The following RIMKLB variants were observed in gnomAD, a reference collection of about 807,000 sequenced individuals.
The protein encoded by RIMKLB is ribosomal modification protein rimK like family member B, also known as beta-citrylglutamate synthase B.
RIMKLB carries 7 observed loss-of-function variants against 32.0 expected under a neutral mutation model. That is an observed-to-expected ratio of 0.22 (90% confidence interval 0.12 to 0.41). RIMKLB has a LOEUF of 0.41. RIMKLB is among the 10% of genes least tolerant of loss of function. The pLI, the probability that RIMKLB is intolerant of heterozygous loss-of-function variation, is 1.00. For synonymous variants in RIMKLB, 172 were observed against 185.1 expected (o/e 0.93, Z 0.57); for missense variants, 289 against 498.7 (o/e 0.58, Z 4.00).
intron 2 of RIMKLB, among the ~76,000 whole-genome samples, chr12:8,733,251 C>T (rs1946709860): frequency 6.7e-6 from 1 of 148,158 alleles, no homozygotes; most frequent in East Asian, 2.0e-4. Flanking sequence ...AATATCAGTT[C>T]TTGAATTTAT....
intron 1 of RIMKLB, among the ~76,000 whole-genome samples, chr12:8,713,221 C>G (rs1296362717): frequency 6.6e-6 from 1 of 151,968 alleles, no homozygotes; most frequent in Non-Finnish European, 1.5e-5. Flanking sequence ...TGCTCATTCT[C>G]CAATTATTTA....
At chr12:8,727,679 A>C (rs183216162) in intron 2 of RIMKLB, among the ~76,000 whole-genome samples, 5,609 of 152,200 alleles carry the variant, frequency 0.037, 330 homozygotes, top group African/African-American at 0.13. Context: ...CGGGCGGATC[A>C]GTTGAGGTCA....
chr12:8,674,392 C>A, the RIMKLB span, among the ~76,000 whole-genome samples: 1 of 151,836 alleles, frequency 6.6e-6, no homozygotes, highest in Admixed American at 6.6e-5. Context: ...GTGCCCGCCA[C>A]CACGCCCTGC....
chr12:8,713,977 G>A lies in RIMKLB; in HGVS notation c.111G>A (p.Glu37=), dbSNP rs113446356. 11 of 1,614,062 alleles carry A rather than the reference G, an allele frequency of 6.8e-6. No individual in the cohort carries two copies. The highest frequency in any genetic ancestry group is 5.3e-5 in the African/African-American group (4 of 75,026). The change falls in exon 2 of 6, where the codon GAG becomes GAA. Residue 37 remains glutamate (E), a synonymous_variant. Coordinates refer to ENST00000535829, the MANE Select transcript of RIMKLB (RefSeq NM_001297776.2). ...CATTGAAGGCCAAATGTTGTGAGGA[G>A]GAACTGGACTTTAGGGCTGTGGTGA... ...LRALKAKCCE[E]ELDFRAVVMD... is the part of the protein sequence containing the mutation.
intron 1 of RIMKLB, among the ~76,000 whole-genome samples, chr12:8,708,556 G>A (rs12311861): frequency 0.071 from 10,828 of 152,108 alleles, 1,250 homozygotes; most frequent in African/African-American, 0.24. Context: ...ATTTGATCCA[G>A]TAAGAAACAA....
chr12:8,723,559 AACAC>A (rs888692770), intron 2 of RIMKLB, among the ~76,000 whole-genome samples: 1 of 152,222 alleles, frequency 6.6e-6, no homozygotes, highest in Non-Finnish European at 1.5e-5. Context: ...ATTTGTAAAA[AACAC>A]AATAACTGCA....
At chr12:8,715,202 T>C (rs933441301) in intron 2 of RIMKLB, among the ~76,000 whole-genome samples, 1 of 151,966 alleles carries the variant, frequency 6.6e-6, no homozygotes, top group African/African-American at 2.4e-5. Context: ...TTTGTTGTTT[T>C]GCTTAAATGG....
intron 3 of RIMKLB, among the ~76,000 whole-genome samples, chr12:8,750,653 G>C (rs1356403003): frequency 6.6e-6 from 1 of 151,758 alleles, no homozygotes; most frequent in East Asian, 1.9e-4. Context: ...TCAATCTGTG[G>C]TAGATTAATA....
intron 5 of RIMKLB, among the ~76,000 whole-genome samples, chr12:8,768,399 G>A (rs765020440): frequency 6.6e-6 from 1 of 152,340 alleles, no homozygotes; most frequent in East Asian, 1.9e-4. Context: ...ACAAGTGTGT[G>A]CAGTTGCATG....
rs946930568 is a variant in RIMKLB at position 8,777,144 on chromosome 12, G to T, written c.*3360G>T. Reference sequence around the variant, plus strand: ...ATTTTATTTAAGATTTGTTTTTGTTGTACTAGGATTTTAAAAAATGTAATA... The same window carrying T: ...ATTTTATTTAAGATTTGTTTTTGTTTTACTAGGATTTTAAAAAATGTAATA... On this transcript the variant is annotated 3_prime_UTR_variant, in exon 6 of 6. Coordinates refer to ENST00000535829, the MANE Select transcript of RIMKLB (RefSeq NM_001297776.2). 192 of 974,756 alleles carry T rather than the reference G, an allele frequency of 2.0e-4. No individual in the cohort carries two copies. Among genetic ancestry groups the T allele is most frequent in the Non-Finnish European group, 2.2e-4 (181 of 826,754 alleles). The allele number at this position is 974,756 out of a possible 1,614,324, so 60.4% of individuals were successfully genotyped here. A position where few individuals can be genotyped will look rare whatever the true frequency, so the allele number is the denominator to read the frequency against.
intron 2 of RIMKLB, among the ~76,000 whole-genome samples, chr12:8,720,934 G>C (rs929754666): frequency 1.3e-5 from 2 of 152,176 alleles, no homozygotes; most frequent in African/African-American, 4.8e-5. Context: ...TGCTGCCTCA[G>C]AGTCTACTGG....
chr12:8,707,946 C>T (rs932195053), intron 1 of RIMKLB, among the ~76,000 whole-genome samples: 1 of 152,164 alleles, frequency 6.6e-6, no homozygotes, highest in African/African-American at 2.4e-5. Context: ...ATCCTATGTA[C>T]AGTCTTTCCC....
upstream of RIMKLB, among the ~76,000 whole-genome samples, chr12:8,679,325 G>A (rs756258239): frequency 2.1e-4 from 32 of 152,184 alleles, no homozygotes; most frequent in Admixed American, 7.2e-4. Flanking sequence ...TGGGATTACA[G>A]GCACCCGCCA....
At chr12:8,669,353 C>G in the RIMKLB span, among the ~76,000 whole-genome samples, 1 of 152,172 alleles carries the variant, frequency 6.6e-6, no homozygotes, top group Non-Finnish European at 1.5e-5. Flanking sequence ...GCACCTCCCA[C>G]TAGGCCTACC....
chr12:8,766,318 C>T (rs188384959), intron 5 of RIMKLB, among the ~76,000 whole-genome samples: 2 of 152,068 alleles, frequency 1.3e-5, no homozygotes, highest in South Asian at 4.2e-4. Context: ...AGAAAGGGGT[C>T]CGGCTGCTGG....
At position 8,722,555 on chromosome 12, in the gene RIMKLB, A is replaced by G. The variant is rs1235822155; in HGVS notation, c.175+8514A>G. ...GCTAAATGAGCATTGGTTTCAACTTACAGTCACCAGCTGCCTTCGCTCCTA... is the reference window on the plus strand; with the variant it reads ...GCTAAATGAGCATTGGTTTCAACTTGCAGTCACCAGCTGCCTTCGCTCCTA... On this transcript the variant is annotated intron_variant, in intron 2 of 5. Transcript: ENST00000535829. 2.6e-5 allele frequency among the ~76,000 whole-genome samples: 4 copies of G among 152,216 alleles called. No homozygotes were observed. The South Asian group carries it at 8.3e-4, about 31-fold the overall frequency.
chr12:8,746,600 A>G (rs1948115209), intron 2 of RIMKLB, among the ~76,000 whole-genome samples: 1 of 146,260 alleles, frequency 6.8e-6, no homozygotes. Flanking sequence ...CTCTGTCTCA[A>G]AAAAAAAAAA....
chr12:8,705,402 G>A lies in RIMKLB; in HGVS notation c.-57+7105G>A, dbSNP rs763298711. 8.6e-5 allele frequency among the ~76,000 whole-genome samples: 13 copies of A among 151,504 alleles called. 1 individual carries two copies. The highest frequency in any genetic ancestry group is 7.9e-4 in the Admixed American group (12 of 15,196). On this transcript the variant is annotated intron_variant, in intron 1 of 5. Transcript: ENST00000535829. ...TGAGGCAAGAGAATCGCTTGAACCC[G>A]GGAGGCAGAGGTTGCAGTGAGCCAA...
chr12:8,745,776 C>T (rs1368285338), intron 2 of RIMKLB, among the ~76,000 whole-genome samples: 2 of 150,372 alleles, frequency 1.3e-5, no homozygotes, highest in Admixed American at 6.6e-5. Flanking sequence ...CTCAGTGCAA[C>T]CTCTGCCTCG....
Sources: allele counts gnomAD v4.1 joint callset (sites outside exome capture counted in the v4.1 genomes callset), GRCh38; gene constraint gnomAD v4.1.1; transcripts MANE v1.5; gene names NCBI Gene and HGNC (gene_info 2026-07-23, HGNC 2026-07-21).